FBXL17: variants seen among roughly 807,000 people sequenced by gnomAD.
FBXL17 encodes F-box and leucine rich repeat protein 17.
A neutral mutation model predicts 66.2 loss-of-function variants in FBXL17; 22 were observed. The observed-to-expected ratio is 0.33, with a 90% CI of 0.24 to 0.47. The LOEUF is 0.47. FBXL17 is among the 20% of genes least tolerant of loss of function. The pLI, the probability that FBXL17 is intolerant of heterozygous loss-of-function variation, is 1.00. For synonymous variants in FBXL17, 474 were observed against 400.5 expected (o/e 1.18, Z -2.19); for missense variants, 878 against 948.2 (o/e 0.93, Z 0.97).
chr5:107,949,900 A>G (rs973649935), intron 7 of FBXL17, among the ~76,000 whole-genome samples: 2 of 152,150 alleles, frequency 1.3e-5, no homozygotes, highest in African/African-American at 2.4e-5. Flanking sequence ...GAGTTCGACT[A>G]TTAGTTTACG....
At chr5:107,892,885 T>A (rs1288693036) in intron 7 of FBXL17, among the ~76,000 whole-genome samples, 1 of 152,212 alleles carries the variant, frequency 6.6e-6, no homozygotes, top group Non-Finnish European at 1.5e-5. Context: ...ATTCAAAACA[T>A]TTCCAGTTTT....
intron 6 of FBXL17, among the ~76,000 whole-genome samples, chr5:108,037,065 G>A (rs896793621): frequency 7.2e-5 from 11 of 151,994 alleles, no homozygotes; most frequent in Non-Finnish European, 8.8e-5. Context: ...AAATAATAAG[G>A]TAAGAATATG....
intron 6 of FBXL17, among the ~76,000 whole-genome samples, chr5:108,036,036 T>C (rs1321898445): frequency 1.3e-5 from 2 of 152,240 alleles, no homozygotes; most frequent in Admixed American, 6.5e-5. Context: ...GTGCCTGGTA[T>C]ACCTAACAAT....
Position 108,174,303 on chromosome 5 carries a change from G to A in FBXL17, c.1745+11814C>T, listed in dbSNP as rs570811020. Among the ~76,000 whole-genome samples the A allele has an allele frequency of 6.8e-4, 104 of 152,214 alleles. 1 individual carries two copies. The highest frequency in any genetic ancestry group is 2.4e-3 in the African/African-American group (101 of 41,538). The stretch of plus-strand genomic sequence containing the variant: ...ATATGGATGAGAGATATATTGTACA[G>A]GTTTATATGGAATAGTTAACACTTT... On this transcript the variant is annotated intron_variant, in intron 6 of 8. Transcript: ENST00000542267.
chr5:108,098,722 G>C (rs902000014), intron 6 of FBXL17, among the ~76,000 whole-genome samples: 1 of 136,778 alleles, frequency 7.3e-6, no homozygotes, highest in African/African-American at 2.8e-5. Flanking sequence ...TCCAGCCTGG[G>C]CAACAGAGCG....
intron 7 of FBXL17, among the ~76,000 whole-genome samples, chr5:108,019,264 G>C (rs555418100): frequency 6.6e-6 from 1 of 152,228 alleles, no homozygotes; most frequent in Non-Finnish European, 1.5e-5. Flanking sequence ...AAAGAACAAA[G>C]ACAGAACTTG....
chr5:108,162,465 G>A (rs1204386064), intron 6 of FBXL17, among the ~76,000 whole-genome samples: 1 of 152,132 alleles, frequency 6.6e-6, no homozygotes, highest in Non-Finnish European at 1.5e-5. Context: ...ACTCCAACCT[G>A]GGTGACAGAG....
intron 7 of FBXL17, among the ~76,000 whole-genome samples, chr5:108,006,963 C>T (rs367579777): frequency 2.6e-5 from 4 of 152,148 alleles, no homozygotes; most frequent in South Asian, 4.1e-4. Context: ...ATTTTGAAGA[C>T]ATCAGGAGCG....
intron 7 of FBXL17, among the ~76,000 whole-genome samples, chr5:107,988,634 T>C (rs1215170793): frequency 6.6e-6 from 1 of 152,072 alleles, no homozygotes; most frequent in African/African-American, 2.4e-5. Context: ...GTTCTATTGA[T>C]AATAGATCAA....
At chr5:108,127,289 C>T (rs1750759706) in intron 6 of FBXL17, among the ~76,000 whole-genome samples, 1 of 152,172 alleles carries the variant, frequency 6.6e-6, no homozygotes, top group Admixed American at 6.5e-5. Context: ...GTGATAAATT[C>T]TGATACTCAA....
intron 6 of FBXL17, among the ~76,000 whole-genome samples, chr5:108,112,061 T>C: frequency 6.6e-6 from 1 of 152,104 alleles, no homozygotes; most frequent in East Asian, 1.9e-4. Context: ...GGCCCAACAG[T>C]CTTGCTTGGC....
At chr5:108,216,941 T>A (rs1580632645) in intron 5 of FBXL17, among the ~76,000 whole-genome samples, 2 of 152,194 alleles carry the variant, frequency 1.3e-5, no homozygotes, top group Non-Finnish European at 2.9e-5. Flanking sequence ...GTCCTTTGTA[T>A]AGTCAGTGGG....
intron 6 of FBXL17, among the ~76,000 whole-genome samples, chr5:108,115,373 A>T (rs576646322): frequency 3.9e-5 from 6 of 152,150 alleles, no homozygotes; most frequent in East Asian, 3.9e-4. Flanking sequence ...AGTATTTAAA[A>T]TTTTTTTTAA....
chr5:108,040,880 A>G (rs1488506862), intron 6 of FBXL17, among the ~76,000 whole-genome samples: 1 of 152,172 alleles, frequency 6.6e-6, no homozygotes, highest in Non-Finnish European at 1.5e-5. Context: ...GATTTGGTTT[A>G]GATCAGGCAA....
In FBXL17 at chr5:108,381,248, C is replaced by G; in HGVS notation, c.444G>C (p.Ala148=). The G allele has an allele frequency of 6.9e-7, 1 of 1,442,258 alleles. No homozygotes were observed. The highest frequency in any genetic ancestry group is 9.1e-7 in the Non-Finnish European group (1 of 1,099,954). 89.3% of individuals were successfully genotyped at this position (1,442,258 alleles called of 1,614,324 possible). Reference sequence around the variant, plus strand: ...GGCCCTGCTGCTCCCAGGCGGCGGCCGCAGCCAGCCCCAACTCTTTGCAGC... The same window carrying G: ...GGCCCTGCTGCTCCCAGGCGGCGGCGGCAGCCAGCCCCAACTCTTTGCAGC... ...ASCCKELGLA[A]AAAWEQQGRS... The change falls in exon 1 of 9, where the codon GCG becomes GCC. Residue 148 remains alanine (A), a synonymous_variant. Coordinates refer to ENST00000542267, the MANE Select transcript of FBXL17 (RefSeq NM_001163315.3).
At chr5:108,150,684 T>C (rs918388205) in intron 6 of FBXL17, among the ~76,000 whole-genome samples, 6 of 152,216 alleles carry the variant, frequency 3.9e-5, no homozygotes, top group African/African-American at 1.4e-4. Flanking sequence ...GATTGCTTCC[T>C]TGTGATTAAA....
At chr5:108,009,756 G>A (rs1052026160) in intron 7 of FBXL17, among the ~76,000 whole-genome samples, 17 of 152,016 alleles carry the variant, frequency 1.1e-4, no homozygotes, top group African/African-American at 2.9e-4. Flanking sequence ...TGAACAAAAC[G>A]GTCTTTTTGC....
intron 6 of FBXL17, among the ~76,000 whole-genome samples, chr5:108,141,088 T>C (rs568779595): frequency 6.6e-6 from 1 of 152,168 alleles, no homozygotes; most frequent in African/African-American, 2.4e-5. Context: ...CCTGTCTACC[T>C]TGCCTGCTTC....
In FBXL17 at chr5:108,080,741, A is replaced by T. The variant is rs146279323; in HGVS notation, c.1746-59740T>A. Among the ~76,000 whole-genome samples the T allele has an allele frequency of 4.9e-4, 75 of 152,306 alleles. No individual in the cohort carries two copies. The East Asian group carries it at 0.014, about 29-fold the overall frequency. ...TGGATTCAAATATTTTCTGATTGGC[A>T]ATTGGTTGAAGGAGTTAAATTATTA... On this transcript the variant is annotated intron_variant, in intron 6 of 8. Coordinates refer to ENST00000542267, the MANE Select transcript of FBXL17 (RefSeq NM_001163315.3).
Sources: allele counts gnomAD v4.1 joint callset (sites outside exome capture counted in the v4.1 genomes callset), GRCh38; gene constraint gnomAD v4.1.1; transcripts MANE v1.5; gene names NCBI Gene and HGNC (gene_info 2026-07-23, HGNC 2026-07-21).